The following SLCO2B1 variants were observed in gnomAD, a reference collection of about 807,000 sequenced individuals.
The protein encoded by SLCO2B1 is OATP-RP2.
Under a neutral mutation model 67.3 loss-of-function variants are expected in SLCO2B1, and 41 were observed. The observed-to-expected ratio is 0.61, with a 90% CI of 0.47 to 0.79. SLCO2B1 has a LOEUF of 0.79. Among genes scored for constraint, SLCO2B1 ranks in the 30% least tolerant of loss-of-function variants. The probability of loss-of-function intolerance (pLI) is 0.00; values close to 1 mark genes in which losing one functional copy is unlikely to be tolerated. For missense variants in SLCO2B1, 837 were observed against 920.1 expected (o/e 0.91, Z 1.17); for synonymous variants, 379 against 381.4 (o/e 0.99, Z 0.07).
chr11:75,152,543 G>A (rs140534720), intron 1 of SLCO2B1: 3,496 of 152,522 alleles, frequency 0.023, 54 homozygotes, highest in Middle Eastern at 0.047. Flanking sequence ...ATGGTTGGGG[G>A]GGCGGTGTGA....
intron 1 of SLCO2B1, among the ~76,000 whole-genome samples, chr11:75,157,483 G>A (rs1949758827): frequency 6.6e-6 from 1 of 152,202 alleles, no homozygotes; most frequent in African/African-American, 2.4e-5. Context: ...TCCTAGCCCA[G>A]AGAGGGAGAG....
chr11:75,189,481 A>G (rs1944986201), intron 8 of SLCO2B1, among the ~76,000 whole-genome samples: 1 of 152,232 alleles, frequency 6.6e-6, no homozygotes, highest in Non-Finnish European at 1.5e-5. Flanking sequence ...ATAAGGTACA[A>G]TTATTTCAAT....
intron 1 of SLCO2B1, among the ~76,000 whole-genome samples, chr11:75,156,343 G>T (rs550961965): frequency 6.6e-6 from 1 of 152,096 alleles, no homozygotes; most frequent in African/African-American, 2.4e-5. Context: ...GAGAGTGACC[G>T]GCAGAAATTG....
At chr11:75,183,463 G>T (rs1565543428) in intron 7 of SLCO2B1, among the ~76,000 whole-genome samples, 1 of 152,184 alleles carries the variant, frequency 6.6e-6, no homozygotes, top group Non-Finnish European at 1.5e-5. Flanking sequence ...ACACCACAAA[G>T]ATGCCTCCTA....
intron 7 of SLCO2B1, among the ~76,000 whole-genome samples, chr11:75,179,479 C>G (rs1442213192): frequency 6.6e-6 from 1 of 151,692 alleles, no homozygotes; most frequent in Non-Finnish European, 1.5e-5. Context: ...TGATCCACCC[C>G]CCTCAGCCTC....
At chr11:75,182,540 C>T (rs1305290145) in intron 7 of SLCO2B1, among the ~76,000 whole-genome samples, 3 of 152,140 alleles carry the variant, frequency 2.0e-5, no homozygotes, top group South Asian at 2.1e-4. Flanking sequence ...GTCAGGAGTT[C>T]GAGACCAGCC....
Position 75,193,261 on chromosome 11 carries a change from C to G in SLCO2B1, c.1119C>G (p.Phe373Leu), listed in dbSNP as rs1945051454. ...VLLQTLRHPIFLLVVLSQVCL... is the reference protein window; with the variant it reads ...VLLQTLRHPILLLVVLSQVCL... ...TGCAGACCCTACGCCACCCCATCTT[C>G]CTGCTGGTGGTCCTGTCCCAGGTAT... Residue 373 changes from phenylalanine to leucine, a missense_variant, in exon 9 of 14, where the codon TTC (phenylalanine) becomes TTG (leucine). Phe to Leu is a conservative substitution (Grantham distance 22). Coordinates refer to ENST00000289575, the MANE Select transcript of SLCO2B1 (RefSeq NM_007256.5). The surrounding 1 kb of genome is among the most constrained non-coding windows in gnomAD (Gnocchi z 4.2). 6.2e-7 allele frequency: 1 copy of G among 1,613,700 alleles called. No individual in the cohort carries two copies. Among genetic ancestry groups the G allele is most frequent in the Non-Finnish European group, 8.5e-7 (1 of 1,179,972 alleles).
intron 1 of SLCO2B1, among the ~76,000 whole-genome samples, chr11:75,152,867 G>T (rs1182006602): frequency 1.3e-5 from 2 of 152,162 alleles, no homozygotes; most frequent in Non-Finnish European, 2.9e-5. Context: ...ACTCTGAGGG[G>T]TGTGGGAATG....
intron 10 of SLCO2B1, 122 bp from the exon 11 acceptor site, chr11:75,200,102 C>A: frequency 9.6e-7 from 1 of 1,039,936 alleles, no homozygotes; most frequent in Non-Finnish European, 1.4e-6. Flanking sequence ...GGACTCCCAG[C>A]CAGCTCTACC....
At chr11:75,187,235 T>C (rs1290871566) in intron 7 of SLCO2B1, among the ~76,000 whole-genome samples, 1 of 152,220 alleles carries the variant, frequency 6.6e-6, no homozygotes, top group African/African-American at 2.4e-5. Context: ...TATCATTATT[T>C]CCTTTCTTAT....
intron 4 of SLCO2B1, among the ~76,000 whole-genome samples, chr11:75,166,779 T>C (rs1949898018): frequency 6.6e-6 from 1 of 152,028 alleles, no homozygotes; most frequent in South Asian, 2.1e-4. Flanking sequence ...AGGAGACAGA[T>C]AAAACAAAAA....
At chr11:75,202,634 G>A (rs1945199250) in intron 11 of SLCO2B1, 1 of 496,096 alleles carries the variant, frequency 2.0e-6, no homozygotes, top group Non-Finnish European at 3.6e-6. Context: ...AGGAAGAGGA[G>A]TGATGTCTGT....
intron 3 of SLCO2B1, among the ~76,000 whole-genome samples, chr11:75,164,673 T>TCA (rs1191561061): frequency 7.2e-5 from 11 of 152,074 alleles, no homozygotes; most frequent in African/African-American, 2.4e-4. Context: ...CAGATGTTTT[T>TCA]ACCCTGAAGG....
At position 75,203,382 on chromosome 11, in the gene SLCO2B1, G is replaced by C. The variant is rs199857166; in HGVS notation, c.1904G>C (p.Arg635Pro). 4 of 1,614,078 alleles carry C rather than the reference G, an allele frequency of 2.5e-6. No homozygotes were observed. Among genetic ancestry groups the C allele is most frequent in the African/African-American group, 2.7e-5 (2 of 74,948 alleles). ...GTGCACTGGGCCCTGAGCTGTGGGCGTCGAGCTGTCTGTCGCTACTACAAT... is the reference window on the plus strand; with the variant it reads ...GTGCACTGGGCCCTGAGCTGTGGGCCTCGAGCTGTCTGTCGCTACTACAAT... ...TCVHWALSCGRRAVCRYYNND... is the reference protein window; with the variant it reads ...TCVHWALSCGPRAVCRYYNND... Residue 635 changes from arginine (R) to proline (P), a missense_variant, in exon 13 of 14, where the codon CGT becomes CCT. Physicochemically the swap from Arg to Pro is moderately radical, Grantham distance 103. Coordinates refer to ENST00000289575, the MANE Select transcript of SLCO2B1 (RefSeq NM_007256.5).
At chr11:75,196,822 C>T (rs1472759224) in intron 10 of SLCO2B1, 143 bp downstream of exon 10, 2 of 800,706 alleles carry the variant, frequency 2.5e-6, no homozygotes, top group African/African-American at 1.8e-5. Flanking sequence ...AGATGTAGAA[C>T]ATTATTCTCA....
intron 8 of SLCO2B1, among the ~76,000 whole-genome samples, chr11:75,192,159 C>G (rs1945031084): frequency 6.6e-6 from 1 of 152,156 alleles, no homozygotes; most frequent in Non-Finnish European, 1.5e-5. Flanking sequence ...TCTCCCAGCA[C>G]CAAGCAGACT....
In SLCO2B1 at chr11:75,206,442, TG is replaced by T. The variant is rs1945278039; in HGVS notation, c.*1864del. 1 of 152,194 alleles carries T rather than the reference TG, an allele frequency of 6.6e-6. No individual in the cohort carries two copies. The highest frequency in any genetic ancestry group is 2.4e-5 in the African/African-American group (1 of 41,442). 9.4% of individuals were successfully genotyped at this position (152,194 alleles called of 1,614,324 possible). A position where few individuals can be genotyped will look rare whatever the true frequency, so the allele number is the denominator to read the frequency against. Reference sequence around the variant, plus strand: ...TTGTTTGAGTGTCTTCGTCTACTAATGGTTTCAAAAATGGAATAAGGTCATG... The same window carrying T: ...TTGTTTGAGTGTCTTCGTCTACTAATGTTTCAAAAATGGAATAAGGTCATG... On this transcript the variant is annotated 3_prime_UTR_variant, in exon 14 of 14. Transcript: ENST00000289575.
intron 1 of SLCO2B1, among the ~76,000 whole-genome samples, chr11:75,155,244 A>C (rs1949733953): frequency 6.6e-6 from 1 of 152,022 alleles, no homozygotes; most frequent in Non-Finnish European, 1.5e-5. Flanking sequence ...AATTTCCCAA[A>C]TATGACAGCC....
intron 7 of SLCO2B1, among the ~76,000 whole-genome samples, chr11:75,178,103 A>AC (rs1029500080): frequency 8.0e-5 from 12 of 150,552 alleles, no homozygotes; most frequent in African/African-American, 2.0e-4. Flanking sequence ...CAAAAAAAAA[A>AC]AAAAAACAAA....
Sources: gnomAD v4.1 joint callset for allele counts (sites outside exome capture counted in the v4.1 genomes callset) on GRCh38, gnomAD v4.1.1 for gene constraint, Gnocchi (gnomAD v3.1) non-coding constraint, MANE v1.5 for transcripts, NCBI Gene and HGNC (gene_info 2026-07-23, HGNC 2026-07-21) for gene names.